The following PRKCA variants were observed in gnomAD, a reference collection of about 807,000 sequenced individuals.
The protein encoded by PRKCA is protein kinase C alpha.
A neutral mutation model predicts 87.0 loss-of-function variants in PRKCA; 27 were observed. That is an observed-to-expected ratio of 0.31 (90% CI 0.23 to 0.43). The LOEUF (loss-of-function observed/expected upper bound fraction) is 0.43, where lower values mean the gene tolerates loss of function less well. Among genes scored for constraint, PRKCA ranks in the 20% least tolerant of loss-of-function variants. The pLI, the probability that PRKCA is intolerant of heterozygous loss-of-function variation, is 1.00. For synonymous variants in PRKCA, 329 were observed against 311.1 expected (o/e 1.06, Z -0.61); for missense variants, 518 against 852.3 (o/e 0.61, Z 4.88).
At chr17:66,335,573 A>G (rs1318229908) in intron 2 of PRKCA, among the ~76,000 whole-genome samples, 1 of 149,270 alleles carries the variant, frequency 6.7e-6, no homozygotes, top group Non-Finnish European at 1.5e-5. Context: ...CAAGAGTGAA[A>G]CTCCCCCCAC....
intron 2 of PRKCA, among the ~76,000 whole-genome samples, chr17:66,394,127 A>G (rs1278358040): frequency 6.6e-6 from 1 of 152,182 alleles, no homozygotes; most frequent in Non-Finnish European, 1.5e-5. Flanking sequence ...CTGAGGGAGA[A>G]GCCTTAGAAA....
intron 5 of PRKCA, among the ~76,000 whole-genome samples, chr17:66,649,606 A>G (rs535760574): frequency 2.0e-5 from 3 of 152,332 alleles, no homozygotes; most frequent in South Asian, 4.1e-4. Context: ...CTTTCAGTGC[A>G]TAGGCTATGA....
At chr17:66,798,734 ATGGTGGTGGTGGTGG>A (rs1568041448) in intron 16 of PRKCA, among the ~76,000 whole-genome samples, 1 of 500 alleles carries the variant, frequency 2.0e-3, no homozygotes, top group Non-Finnish European at 4.7e-3. Context: ...GGTGGTGGTG[ATGGTGGTGGTGGTGG>A]TGGTGGTGGT....
chr17:66,493,807 G>A (rs569085355), intron 2 of PRKCA, among the ~76,000 whole-genome samples: 4 of 152,252 alleles, frequency 2.6e-5, no homozygotes, highest in South Asian at 2.1e-4. Context: ...AAGTCTCATC[G>A]TTCTTGTGTA....
At chr17:66,464,984 G>A (rs1002092733) in intron 2 of PRKCA, among the ~76,000 whole-genome samples, 1 of 152,000 alleles carries the variant, frequency 6.6e-6, no homozygotes, top group Non-Finnish European at 1.5e-5. Context: ...TTATTTTGTA[G>A]AGTTTTACAA....
chr17:66,487,179 A>G (rs1044665299), intron 2 of PRKCA, among the ~76,000 whole-genome samples: 6 of 152,024 alleles, frequency 3.9e-5, no homozygotes, highest in Admixed American at 1.3e-4. Flanking sequence ...ACTGGTCTTC[A>G]TCCCTTTCTC....
chr17:66,387,069 T>C (rs1435764134), intron 2 of PRKCA, among the ~76,000 whole-genome samples: 1 of 152,230 alleles, frequency 6.6e-6, no homozygotes, highest in Non-Finnish European at 1.5e-5. Context: ...TGGGGCTTGA[T>C]ATTTGCATAT....
Position 66,422,826 on chromosome 17 carries a change from G to A in PRKCA, c.206-73375G>A, listed in dbSNP as rs187841299. On this transcript the variant is annotated intron_variant, in intron 2 of 16. Coordinates refer to ENST00000413366, the MANE Select transcript of PRKCA (RefSeq NM_002737.3). ...GCTCTCACCTCATTAAAGCATTATT[G>A]CAGGCCGGGCATGGTGGCTCACACC... Among the ~76,000 whole-genome samples, 28 of 152,192 alleles carry A rather than the reference G, an allele frequency of 1.8e-4. 1 individual carries two copies. The East Asian group carries it at 5.2e-3, about 28-fold the overall frequency.
intron 2 of PRKCA, among the ~76,000 whole-genome samples, chr17:66,398,795 C>A (rs926564334): frequency 6.6e-6 from 1 of 152,204 alleles, no homozygotes; most frequent in Non-Finnish European, 1.5e-5. Flanking sequence ...AGCATAATTT[C>A]TCACTCATTG....
chr17:66,385,320 G>A (rs1209320932), intron 2 of PRKCA, among the ~76,000 whole-genome samples: 2 of 152,200 alleles, frequency 1.3e-5, no homozygotes, highest in Non-Finnish European at 2.9e-5. Context: ...TGCTATAGAA[G>A]GAATTCGAAG....
intron 13 of PRKCA, among the ~76,000 whole-genome samples, chr17:66,745,010 C>T (rs888857266): frequency 2.6e-5 from 4 of 152,200 alleles, no homozygotes; most frequent in African/African-American, 9.7e-5. Flanking sequence ...TTATATGGGG[C>T]CCACTTGGAT....
chr17:66,594,067 A>G (rs940554229), intron 3 of PRKCA, among the ~76,000 whole-genome samples: 2 of 152,264 alleles, frequency 1.3e-5, no homozygotes, highest in African/African-American at 4.8e-5. Flanking sequence ...CCTAGGCAAC[A>G]AGAATGAAAC....
chr17:66,731,351 G>GGAAAAAAAAA (rs548166884), intron 8 of PRKCA, among the ~76,000 whole-genome samples: 1 of 112,466 alleles, frequency 8.9e-6, no homozygotes, highest in African/African-American at 3.8e-5. Flanking sequence ...CTCCGTCTCA[G>GGAAAAAAAAA]AAAAAAAAAA....
chr17:66,505,617 G>A (rs966729156), intron 3 of PRKCA, among the ~76,000 whole-genome samples: 1 of 152,046 alleles, frequency 6.6e-6, no homozygotes, highest in Admixed American at 6.6e-5. Context: ...AGATTGTCTC[G>A]GGAGGCAGAC....
At chr17:66,621,992 A>C (rs1240820144) in intron 3 of PRKCA, among the ~76,000 whole-genome samples, 1 of 152,120 alleles carries the variant, frequency 6.6e-6, no homozygotes, top group African/African-American at 2.4e-5. Context: ...GCTTGAGGCC[A>C]GGAGTTCAGG....
chr17:66,753,777 A>G (rs1211807833), intron 13 of PRKCA, among the ~76,000 whole-genome samples: 1 of 152,136 alleles, frequency 6.6e-6, no homozygotes, highest in Non-Finnish European at 1.5e-5. Context: ...GAGGGTGCAT[A>G]TGGAATAAAA....
In PRKCA at chr17:66,478,687, T is replaced by C. The variant is rs567534848; in HGVS notation, c.206-17514T>C. On this transcript the variant is annotated intron_variant, in intron 2 of 16. Coordinates refer to ENST00000413366, the MANE Select transcript of PRKCA (RefSeq NM_002737.3). ...AGTAATACATTAATGGTTGAAAAAA[T>C]TAGAGAATATAGATGAACAAAAATA... 3.9e-5 allele frequency among the ~76,000 whole-genome samples: 6 copies of C among 152,160 alleles called. No homozygotes were observed. The East Asian group carries it at 1.2e-3, about 29-fold the overall frequency.
intron 8 of PRKCA, among the ~76,000 whole-genome samples, chr17:66,719,422 G>C (rs867683028): frequency 6.6e-6 from 1 of 152,164 alleles, no homozygotes; most frequent in Admixed American, 6.5e-5. Context: ...GATTACCTCT[G>C]GGTAATAAAA....
rs532410540 is a variant in PRKCA, at chr17:66,670,210, G to A, written c.530-16901G>A. 3.9e-4 allele frequency among the ~76,000 whole-genome samples: 60 copies of A among 152,004 alleles called. 1 individual carries two copies. In the South Asian group the frequency reaches 8.1e-3, roughly 21 times the overall value. On this transcript the variant is annotated intron_variant, in intron 5 of 16. Coordinates refer to ENST00000413366, the MANE Select transcript of PRKCA (RefSeq NM_002737.3). Reference sequence around the variant, plus strand: ...TATTTAAAGGCGAGCTAAAGAGGACGGCAAGATGAAGTAAAATTAAAAGTT... The same window carrying A: ...TATTTAAAGGCGAGCTAAAGAGGACAGCAAGATGAAGTAAAATTAAAAGTT...
Sources: gnomAD v4.1 joint callset for allele counts (sites outside exome capture counted in the v4.1 genomes callset) on GRCh38, gnomAD v4.1.1 for gene constraint, MANE v1.5 for transcripts, NCBI Gene and HGNC (gene_info 2026-07-23, HGNC 2026-07-21) for gene names.